Variants in LPP observed in about 807,000 individuals in gnomAD.
LPP encodes the protein LIM domain containing preferred translocation partner in lipoma, also known as lipoma-preferred partner.
In LPP, 38 loss-of-function variants were observed where a neutral mutation model predicts 60.4. That is an observed-to-expected ratio of 0.63 (90% CI 0.49 to 0.83). The LOEUF (loss-of-function observed/expected upper bound fraction) is 0.83, where lower values mean the gene tolerates loss of function less well. Ranked by LOEUF, LPP falls within the 40% of genes least tolerant of loss-of-function variation. The pLI is 0.00. For missense variants in LPP, 902 were observed against 783.6 expected (o/e 1.15, Z -1.80); for synonymous variants, 328 against 290.8 (o/e 1.13, Z -1.30).
At chr3:188,588,038 G>T (rs1197714749) in intron 6 of LPP, among the ~76,000 whole-genome samples, 4 of 152,110 alleles carry the variant, frequency 2.6e-5, no homozygotes, top group Admixed American at 2.0e-4. Context: ...TCCCCTAGTT[G>T]TCCTGTGAAG....
intron 7 of LPP, among the ~76,000 whole-genome samples, chr3:188,645,837 T>C (rs1851012074): frequency 6.6e-6 from 1 of 151,906 alleles, no homozygotes; most frequent in African/African-American, 2.4e-5. Flanking sequence ...ATAAATTCCT[T>C]AAATAATTTA....
At chr3:188,799,163 A>G (rs1287519810) in intron 9 of LPP, among the ~76,000 whole-genome samples, 1 of 152,252 alleles carries the variant, frequency 6.6e-6, no homozygotes, top group African/African-American at 2.4e-5. Context: ...TAAAAAGTAA[A>G]TAAATAGAAG....
intron 1 of LPP, among the ~76,000 whole-genome samples, chr3:188,157,593 G>A (rs1340714757): frequency 1.3e-5 from 2 of 152,092 alleles, no homozygotes; most frequent in Admixed American, 6.5e-5. Context: ...GCCTGCTTAC[G>A]GTGAACCAGA....
At chr3:188,281,993 T>A (rs1276654611) in intron 2 of LPP, among the ~76,000 whole-genome samples, 1 of 152,158 alleles carries the variant, frequency 6.6e-6, no homozygotes, top group African/African-American at 2.4e-5. Context: ...CCTTCTCACC[T>A]TGCCCTTTGG....
chr3:188,612,816 T>A (rs1844001071), intron 7 of LPP, among the ~76,000 whole-genome samples: 1 of 152,074 alleles, frequency 6.6e-6, no homozygotes, highest in Admixed American at 6.6e-5. Flanking sequence ...ATATTTGAGA[T>A]GAGCTGCTTT....
At position 188,452,181 on chromosome 3, in the gene LPP, C is replaced by T. The variant is rs116354109; in HGVS notation, c.194-32411C>T. Among the ~76,000 whole-genome samples, 542 of 152,296 alleles carry T rather than the reference C, an allele frequency of 3.6e-3. 3 individuals are homozygous for T. Among genetic ancestry groups the T allele is most frequent in the African/African-American group, 0.012 (517 of 41,568 alleles). On this transcript the variant is annotated intron_variant, in intron 4 of 11. Coordinates refer to ENST00000617246, the MANE Select transcript of LPP (RefSeq NM_001375462.1). ...TAAGGATAAAATTTTTAAGTCTTCC[C>T]ATCAAGAAATGTGTCGTTAACATTA...
intron 9 of LPP, among the ~76,000 whole-genome samples, chr3:188,853,957 C>G (rs943741966): frequency 6.6e-6 from 1 of 151,912 alleles, no homozygotes; most frequent in African/African-American, 2.4e-5. Flanking sequence ...GTGAGAAATT[C>G]ATACCTTTTT....
At chr3:188,318,052 C>T (rs1755638006) in intron 2 of LPP, among the ~76,000 whole-genome samples, 1 of 152,160 alleles carries the variant, frequency 6.6e-6, no homozygotes, top group Non-Finnish European at 1.5e-5. Flanking sequence ...ATAGAAGATC[C>T]TTCTCCACAA....
intron 4 of LPP, among the ~76,000 whole-genome samples, chr3:188,441,461 C>A (rs1231436864): frequency 6.6e-6 from 1 of 151,812 alleles, no homozygotes; most frequent in Non-Finnish European, 1.5e-5. Flanking sequence ...GGCCTTCAGA[C>A]CCCAATTCGT....
chr3:188,731,585 C>T (rs1483638497), intron 8 of LPP, among the ~76,000 whole-genome samples: 5 of 139,934 alleles, frequency 3.6e-5, no homozygotes, highest in South Asian at 2.2e-4. Context: ...TGCAGTGGTG[C>T]GATCTCGGCT....
intron 2 of LPP, among the ~76,000 whole-genome samples, chr3:188,301,165 A>C (rs1201523562): frequency 6.6e-6 from 1 of 152,036 alleles, no homozygotes; most frequent in Non-Finnish European, 1.5e-5. Context: ...TTTCATGTAT[A>C]TCTCTCCATT....
intron 9 of LPP, among the ~76,000 whole-genome samples, chr3:188,779,047 T>G (rs1738740620): frequency 6.6e-6 from 1 of 152,164 alleles, no homozygotes; most frequent in African/African-American, 2.4e-5. Context: ...CAATTTGAAT[T>G]TAAACTAGTC....
Position 188,760,155 on chromosome 3 carries a change from C to A in LPP, c.1283C>A (p.Thr428Lys). 1.2e-6 allele frequency: 2 copies of A among 1,614,026 alleles called. No individual in the cohort carries two copies. The highest frequency in any genetic ancestry group is 8.5e-7 in the Non-Finnish European group (1 of 1,179,996). Residue 428 changes from threonine (T) to lysine (K), a missense_variant, in exon 9 of 12, where the codon ACA becomes AAA. Transcript: ENST00000617246. ...RCGENVVGEG[T>K]GCTAMDQVFH... ...GGAGAAAACGTAGTTGGGGAAGGTA[C>A]AGGATGCACTGCCATGGATCAGGTC...
At chr3:188,579,183 G>C (rs1835455495) in intron 6 of LPP, among the ~76,000 whole-genome samples, 1 of 152,214 alleles carries the variant, frequency 6.6e-6, no homozygotes, top group African/African-American at 2.4e-5. Context: ...AGCTGCCAAA[G>C]CCATCGCTGA....
intron 6 of LPP, among the ~76,000 whole-genome samples, chr3:188,536,530 C>T (rs995831495): frequency 5.9e-5 from 9 of 152,230 alleles, no homozygotes; most frequent in Non-Finnish European, 1.0e-4. Context: ...ACTTTGTGTC[C>T]ATACACATAT....
At chr3:188,724,519 T>C (rs1717648258) in intron 8 of LPP, among the ~76,000 whole-genome samples, 1 of 152,220 alleles carries the variant, frequency 6.6e-6, no homozygotes, top group South Asian at 2.1e-4. Context: ...CTGTACCAGA[T>C]GTCTGCTGAG....
chr3:188,303,701 C>G (rs534210596), intron 2 of LPP, among the ~76,000 whole-genome samples: 1 of 152,116 alleles, frequency 6.6e-6, no homozygotes, highest in Non-Finnish European at 1.5e-5. Context: ...ATGAGGAGAT[C>G]AGATGTTTTA....
chr3:188,640,554 A>G (rs1034966231), intron 7 of LPP, among the ~76,000 whole-genome samples: 4 of 151,164 alleles, frequency 2.6e-5, no homozygotes, highest in Non-Finnish European at 5.9e-5. Flanking sequence ...TGGGACGAAA[A>G]AAAAAAAAGA....
intron 8 of LPP, among the ~76,000 whole-genome samples, chr3:188,752,176 G>A (rs13314127): frequency 0.19 from 29,085 of 152,216 alleles, 3,465 homozygotes; most frequent in Middle Eastern, 0.42. Flanking sequence ...ATTTAAGGCA[G>A]TTATGATCAT....
Sources: gnomAD v4.1 joint callset for allele counts (sites outside exome capture counted in the v4.1 genomes callset) on GRCh38, gnomAD v4.1.1 for gene constraint, MANE v1.5 for transcripts, NCBI Gene and HGNC (gene_info 2026-07-23, HGNC 2026-07-21) for gene names.